The following LIN28B variants were observed in gnomAD, a reference collection of about 807,000 sequenced individuals.
LIN28B encodes lin-28 RNA binding posttranscriptional regulator B.
LIN28B carries 5 observed loss-of-function variants against 21.9 expected under a neutral mutation model. The observed-to-expected ratio is 0.23, with a 90% CI of 0.12 to 0.48. LIN28B has a LOEUF of 0.48. Ranked by LOEUF, LIN28B falls within the 20% of genes least tolerant of loss-of-function variation. The probability of loss-of-function intolerance (pLI) is 0.98; values close to 1 mark genes in which losing one functional copy is unlikely to be tolerated. For missense variants in LIN28B, 245 were observed against 310.5 expected (o/e 0.79, Z 1.58); for synonymous variants, 109 against 111.3 (o/e 0.98, Z 0.13).
Position 105,017,050 on chromosome 6 carries a change from G to T in LIN28B, c.199-9248G>T, listed in dbSNP as rs567161589. 6.9e-4 allele frequency among the ~76,000 whole-genome samples: 86 copies of T among 124,604 alleles called. 1 individual carries two copies. The South Asian group carries it at 0.021, about 30-fold the overall frequency. The allele number at this position is 124,604 out of a possible 152,430, so 81.7% of individuals were successfully genotyped here. ...ATTGTGCTGCTGCACTCCAGCCTGA[G>T]TGACAAAGCAAGACTCTGTCTCAAA... On this transcript the variant is annotated intron_variant, in intron 2 of 3. Coordinates refer to ENST00000345080, the MANE Select transcript of LIN28B (RefSeq NM_001004317.4).
intron 2 of LIN28B, among the ~76,000 whole-genome samples, chr6:105,016,720 AATT>A (rs1441776580): frequency 6.6e-6 from 1 of 152,116 alleles, no homozygotes; most frequent in African/African-American, 2.4e-5. Context: ...GTAAATGAAA[AATT>A]ATGATCTTTC....
chr6:104,943,288 T>G (rs2114542946), intron 2 of LIN28B, among the ~76,000 whole-genome samples: 1 of 152,282 alleles, frequency 6.6e-6, no homozygotes. Flanking sequence ...ATGCTTGGTA[T>G]CTGATCTGGT....
At position 105,079,000 on chromosome 6, in the gene LIN28B, C is replaced by T; in HGVS notation, c.*217C>T. ...TCAGAGAATAAGATACTATGTCTGT[C>T]AATATGTGCATGTGTGAGAGGGAGA... is the stretch of plus-strand genomic sequence containing the variant. On this transcript the variant is annotated 3_prime_UTR_variant, in exon 4 of 4. Transcript: ENST00000345080. 3 of 525,902 alleles carry T rather than the reference C, an allele frequency of 5.7e-6. No individual in the cohort carries two copies. Among genetic ancestry groups the T allele is most frequent in the South Asian group, 2.5e-5 (1 of 40,472 alleles). 32.6% of individuals were successfully genotyped at this position (525,902 alleles called of 1,614,324 possible).
chr6:104,975,274 TTAA>T (rs1422197281), intron 2 of LIN28B, among the ~76,000 whole-genome samples: 4 of 152,194 alleles, frequency 2.6e-5, no homozygotes, highest in African/African-American at 9.6e-5. Context: ...TATCTAATAT[TTAA>T]TAATATCTAA....
At chr6:105,008,643 C>CA (rs202223950) in intron 2 of LIN28B, among the ~76,000 whole-genome samples, 1,179 of 90,832 alleles carry the variant, frequency 0.013, 11 homozygotes, top group African/African-American at 0.02. Context: ...GACTACATCT[C>CA]AAAAAAAAAA....
chr6:105,054,639 G>C (rs1396118295), intron 3 of LIN28B, among the ~76,000 whole-genome samples: 3 of 152,212 alleles, frequency 2.0e-5, no homozygotes, highest in Non-Finnish European at 4.4e-5. Flanking sequence ...TGGAGGGAGT[G>C]GGAGAGTGAC....
chr6:105,041,091 T>C (rs77412286), intron 3 of LIN28B, among the ~76,000 whole-genome samples: 1 of 151,510 alleles, frequency 6.6e-6, no homozygotes, highest in South Asian at 2.1e-4. Context: ...TTTTTTTTTT[T>C]AGTAGAGACA....
In LIN28B at chr6:105,080,016, G is replaced by T. The variant is rs1772511127; in HGVS notation, c.*1233G>T. ...GGTACCAAACCTCTCCCACCAGAGA[G>T]CTAGAAGTATTTTATACAGTAACTT... is the stretch of plus-strand genomic sequence containing the variant. On this transcript the variant is annotated 3_prime_UTR_variant, in exon 4 of 4. Transcript: ENST00000345080. 6.6e-6 allele frequency: 1 copy of T among 152,182 alleles called. No individual in the cohort carries two copies. The highest frequency in any genetic ancestry group is 2.1e-4 in the South Asian group (1 of 4,832). The allele number at this position is 152,182 out of a possible 1,614,324, so 9.4% of individuals were successfully genotyped here.
intron 2 of LIN28B, among the ~76,000 whole-genome samples, chr6:104,961,729 C>T (rs1252036959): frequency 6.6e-6 from 1 of 152,078 alleles, no homozygotes; most frequent in Non-Finnish European, 1.5e-5. Flanking sequence ...AAGGTGATTT[C>T]ATAAATCAGA....
intron 2 of LIN28B, among the ~76,000 whole-genome samples, chr6:104,997,665 T>C (rs1003044372): frequency 6.6e-6 from 1 of 151,958 alleles, no homozygotes; most frequent in Admixed American, 6.6e-5. Flanking sequence ...GTGATGATGA[T>C]AGAGAATAAT....
At chr6:105,016,383 AC>A (rs1312216855) in intron 2 of LIN28B, among the ~76,000 whole-genome samples, 3 of 152,228 alleles carry the variant, frequency 2.0e-5, no homozygotes, top group Admixed American at 2.0e-4. Flanking sequence ...AGGGTGGCCT[AC>A]CTGTGGCATG....
chr6:105,063,655 A>AAG (rs1257350221), intron 3 of LIN28B, among the ~76,000 whole-genome samples: 2 of 144,992 alleles, frequency 1.4e-5, no homozygotes, highest in African/African-American at 2.7e-5. Flanking sequence ...GGGGAAAAAA[A>AAG]GGTAAAGTAA....
At chr6:104,958,024 A>AC in intron 1 of LIN28B, 75 bp from the exon 2 acceptor site, 1 of 1,027,176 alleles carries the variant, frequency 9.7e-7, no homozygotes, top group Non-Finnish European at 1.3e-6. Context: ...CCAGGCAGGC[A>AC]ATTTTTTTTT....
At chr6:104,992,014 G>T (rs1770495752) in intron 2 of LIN28B, among the ~76,000 whole-genome samples, 1 of 151,754 alleles carries the variant, frequency 6.6e-6, no homozygotes, top group Non-Finnish European at 1.5e-5. Context: ...GAGGGAGGGG[G>T]AGGGGGAGGG....
rs1772501266 is a variant in LIN28B at position 105,079,601 on chromosome 6, CTTG to C, written c.*821_*823del. On this transcript the variant is annotated 3_prime_UTR_variant, in exon 4 of 4. Coordinates refer to ENST00000345080, the MANE Select transcript of LIN28B (RefSeq NM_001004317.4). ...ATGAAGGGGAGGATCATCTTAGTGG[CTTG>C]TTTTCAGTAGTATTTTAATATCAGC... 6.6e-6 allele frequency: 1 copy of C among 152,550 alleles called. No homozygotes were observed. The highest frequency in any genetic ancestry group is 1.5e-5 in the Non-Finnish European group (1 of 68,030). The allele number at this position is 152,550 out of a possible 1,614,324, so 9.4% of individuals were successfully genotyped here.
chr6:104,999,952 G>T (rs1197981599), intron 2 of LIN28B, among the ~76,000 whole-genome samples: 2 of 152,156 alleles, frequency 1.3e-5, no homozygotes, highest in Admixed American at 6.5e-5. Context: ...AAAGTGCTGG[G>T]ATTACATTGT....
chr6:105,017,383 A>G (rs1050182694), intron 2 of LIN28B, among the ~76,000 whole-genome samples: 2 of 152,212 alleles, frequency 1.3e-5, no homozygotes, highest in Non-Finnish European at 2.9e-5. Context: ...CACCTCTTCC[A>G]TCTCTGTGTC....
At chr6:104,960,357 A>G (rs1412515049) in intron 2 of LIN28B, among the ~76,000 whole-genome samples, 1 of 152,190 alleles carries the variant, frequency 6.6e-6, no homozygotes, top group Non-Finnish European at 1.5e-5. Context: ...CTTATGGAAT[A>G]AGGTTGCAAT....
chr6:104,993,465 CAAAA>C (rs535160791), intron 2 of LIN28B, among the ~76,000 whole-genome samples: 9 of 151,924 alleles, frequency 5.9e-5, no homozygotes, highest in African/African-American at 1.7e-4. Context: ...GACCCTTTCT[CAAAA>C]AAACAAAACA....
Sources: gnomAD v4.1 joint callset for allele counts (sites outside exome capture counted in the v4.1 genomes callset) on GRCh38, gnomAD v4.1.1 for gene constraint, MANE v1.5 for transcripts, NCBI Gene and HGNC (gene_info 2026-07-23, HGNC 2026-07-21) for gene names.